The following SLC5A3 variants were observed in gnomAD, a reference collection of about 807,000 sequenced individuals.
SLC5A3 encodes sodium/myo-inositol cotransporter.
A neutral mutation model predicts 43.2 loss-of-function variants in SLC5A3; 10 were observed. The observed-to-expected ratio is 0.23, with a 90% CI of 0.14 to 0.39. SLC5A3 has a LOEUF of 0.39. Among genes scored for constraint, SLC5A3 ranks in the 10% least tolerant of loss-of-function variants. The probability of loss-of-function intolerance (pLI) is 1.00; values close to 1 mark genes in which losing one functional copy is unlikely to be tolerated. For missense variants in SLC5A3, 608 were observed against 893.4 expected (o/e 0.68, Z 4.07); for synonymous variants, 349 against 322.0 (o/e 1.08, Z -0.90).
Position 34,074,682 on chromosome 21 carries a change from TC to T in SLC5A3, c.-337+938del, listed in dbSNP as rs1602895727. ...CGTAGTTTGGTGTTATGTTTTTTTT[TC>T]TCCACCAGGTGTAATAAAACAAAAA... is the stretch of plus-strand genomic sequence containing the variant. On this transcript the variant is annotated intron_variant, in intron 1 of 1. Transcript: ENST00000381151. 2.0e-5 allele frequency among the ~76,000 whole-genome samples: 3 copies of T among 152,318 alleles called. No homozygotes were observed. The East Asian group carries it at 5.8e-4, about 29-fold the overall frequency.
chr21:34,089,055 C>G lies in SLC5A3; in HGVS notation c.-336-5808C>G, dbSNP rs1033411653. On this transcript the variant is annotated intron_variant, in intron 1 of 1. Coordinates refer to ENST00000381151, the MANE Select transcript of SLC5A3 (RefSeq NM_006933.7). The stretch of plus-strand genomic sequence containing the variant: ...TATTTCCTTTTCTTTTTGAGACAGT[C>G]TCGCTCTGTTGCCCAGGCTGGAGTG... Among the ~76,000 whole-genome samples, 5 of 152,100 alleles carry G rather than the reference C, an allele frequency of 3.3e-5. No homozygotes were observed. The East Asian group carries it at 7.7e-4, about 23-fold the overall frequency.
At chr21:34,074,150 C>T (rs907576046) in intron 1 of SLC5A3, among the ~76,000 whole-genome samples, 21 of 149,190 alleles carry the variant, frequency 1.4e-4, no homozygotes, top group Non-Finnish European at 3.0e-4. Context: ...GAAGCTGCCT[C>T]GTCGCCGGCC....
chr21:34,083,657 A>G (rs1211222563), intron 1 of SLC5A3, among the ~76,000 whole-genome samples: 2 of 152,138 alleles, frequency 1.3e-5, no homozygotes, highest in Non-Finnish European at 2.9e-5. Flanking sequence ...CAGTTGTATG[A>G]AGTATAGTAT....
intron 1 of SLC5A3, among the ~76,000 whole-genome samples, chr21:34,087,612 T>C (rs1239881113): frequency 6.6e-6 from 1 of 152,204 alleles, no homozygotes; most frequent in African/African-American, 2.4e-5. Flanking sequence ...GTTACTTTTG[T>C]GCAAAGACGT....
At position 34,104,203 on chromosome 21, in the gene SLC5A3, C is replaced by G; in HGVS notation, c.*6848C>G. The G allele has an allele frequency of 2.0e-6, 2 of 999,972 alleles. No individual in the cohort carries two copies. The highest frequency in any genetic ancestry group is 1.7e-5 in the African/African-American group (1 of 57,324). 61.9% of individuals were successfully genotyped at this position (999,972 alleles called of 1,614,324 possible). On this transcript the variant is annotated 3_prime_UTR_variant, in exon 2 of 2. Transcript: ENST00000381151. ...GAGTGTTCTGAGCATCAGACTAATT[C>G]TGAAGCATATTTGCTAGAGGAGCTA...
rs1569410291 is a variant in SLC5A3, at chr21:34,073,638, T to C, written c.-444T>C. Reference sequence around the variant, plus strand: ...TTCTAGGTCCCCACTGTCCCCGCCGTCCCGCCCCTTCGCGTCCCGGGAACC... The same window carrying C: ...TTCTAGGTCCCCACTGTCCCCGCCGCCCCGCCCCTTCGCGTCCCGGGAACC... On this transcript the variant is annotated 5_prime_UTR_variant, in exon 1 of 2. Transcript: ENST00000381151. 3.5e-6 allele frequency: 5 copies of C among 1,436,950 alleles called. No individual in the cohort carries two copies. Among genetic ancestry groups the C allele is most frequent in the Non-Finnish European group, 4.7e-6 (5 of 1,057,342 alleles). 89.0% of individuals were successfully genotyped at this position (1,436,950 alleles called of 1,614,324 possible). A position where few individuals can be genotyped will look rare whatever the true frequency, so the allele number is the denominator to read the frequency against.
In SLC5A3 at chr21:34,100,487, C is replaced by T. The variant is rs963748437; in HGVS notation, c.*3132C>T. ...GCAATAGCAATGGTGCTGTGTCCTT[C>T]GGCCTAAATTCAATAGATCTCATCT... On this transcript the variant is annotated 3_prime_UTR_variant, in exon 2 of 2. Coordinates refer to ENST00000381151, the MANE Select transcript of SLC5A3 (RefSeq NM_006933.7). The T allele has an allele frequency of 8.2e-5, 82 of 1,000,048 alleles. No homozygotes were observed. The highest frequency in any genetic ancestry group is 8.9e-5 in the Non-Finnish European group (74 of 829,954). The allele number at this position is 1,000,048 out of a possible 1,614,324, so 61.9% of individuals were successfully genotyped here. A position where few individuals can be genotyped will look rare whatever the true frequency, so the allele number is the denominator to read the frequency against.
At position 34,102,923 on chromosome 21, in the gene SLC5A3, C is replaced by T. The variant is rs1979313294; in HGVS notation, c.*5568C>T. 1.0e-6 allele frequency: 1 copy of T among 999,654 alleles called. No individual in the cohort carries two copies. The highest frequency in any genetic ancestry group is 1.2e-6 in the Non-Finnish European group (1 of 829,836). 61.9% of individuals were successfully genotyped at this position (999,654 alleles called of 1,614,324 possible). Reference sequence around the variant, plus strand: ...ACAAGTTGGCAGTAGGTATCCCCAACCTAATTTATCTTGGTAAATTCACCC... The same window carrying T: ...ACAAGTTGGCAGTAGGTATCCCCAATCTAATTTATCTTGGTAAATTCACCC... On this transcript the variant is annotated 3_prime_UTR_variant, in exon 2 of 2. Coordinates refer to ENST00000381151, the MANE Select transcript of SLC5A3 (RefSeq NM_006933.7).
intron 1 of SLC5A3, among the ~76,000 whole-genome samples, chr21:34,074,648 A>T (rs1485366821): frequency 6.6e-6 from 1 of 152,198 alleles, no homozygotes; most frequent in Non-Finnish European, 1.5e-5. Flanking sequence ...TGAATTCGGA[A>T]TTCGGTAACG....
Position 34,104,677 on chromosome 21 carries a change from T to A in SLC5A3, c.*7322T>A. 1 of 1,000,252 alleles carries A rather than the reference T, an allele frequency of 1.0e-6. No individual in the cohort carries two copies. The highest frequency in any genetic ancestry group is 1.2e-6 in the Non-Finnish European group (1 of 829,980). 62.0% of individuals were successfully genotyped at this position (1,000,252 alleles called of 1,614,324 possible). On this transcript the variant is annotated 3_prime_UTR_variant, in exon 2 of 2. Transcript: ENST00000381151. ...ATGAGCCTACCACATTATTTGAGAA[T>A]ATCAAACCTCAGGCCTGGGGGGATG...
At chr21:34,088,519 T>C (rs1978513367) in intron 1 of SLC5A3, among the ~76,000 whole-genome samples, 1 of 152,270 alleles carries the variant, frequency 6.6e-6, no homozygotes, top group Non-Finnish European at 1.5e-5. Flanking sequence ...TGTTAACAGT[T>C]GTTACATATC....
Position 34,095,670 on chromosome 21 carries a change from C to CT in SLC5A3, c.475dup (p.Tyr159LeufsTer45). 6.2e-7 allele frequency: 1 copy of CT among 1,613,834 alleles called. No individual in the cohort carries two copies. Among genetic ancestry groups the CT allele is most frequent in the Non-Finnish European group, 8.5e-7 (1 of 1,179,950 alleles). ...TATCCAGGAGTCTTTGGGTTGGAAT[C>CT]TTTATGTGTCTGTCATCCTGCTCAT... On this transcript the variant is annotated frameshift_variant, in exon 2 of 2. Coordinates refer to ENST00000381151, the MANE Select transcript of SLC5A3 (RefSeq NM_006933.7). LOFTEE classifies it high-confidence loss of function.
rs868166565 is a variant in SLC5A3, at chr21:34,088,886, A to T, written c.-336-5977A>T. Among the ~76,000 whole-genome samples, 213 of 149,064 alleles carry T rather than the reference A, an allele frequency of 1.4e-3. 1 individual carries two copies. Among genetic ancestry groups the T allele is most frequent in the Admixed American group, 3.2e-3 (49 of 15,100 alleles). On this transcript the variant is annotated intron_variant, in intron 1 of 1. Coordinates refer to ENST00000381151, the MANE Select transcript of SLC5A3 (RefSeq NM_006933.7). ...TAGTGTAAGATTTTTTTTTTTTTTT[A>T]AATTTCCATTATTTATAACTCACTT... is the stretch of plus-strand genomic sequence containing the variant.
Position 34,102,624 on chromosome 21 carries a change from A to G in SLC5A3, c.*5269A>G. The G allele has an allele frequency of 1.0e-6, 1 of 1,000,186 alleles. No individual in the cohort carries two copies. Among genetic ancestry groups the G allele is most frequent in the East Asian group, 1.1e-4 (1 of 8,820 alleles). The allele number at this position is 1,000,186 out of a possible 1,614,324, so 62.0% of individuals were successfully genotyped here. ...ACCAATAACTGTACTTTATGTAATG[A>G]CTCTTAAATTTGGTTACCTGGGTTC... On this transcript the variant is annotated 3_prime_UTR_variant, in exon 2 of 2. Transcript: ENST00000381151.
chr21:34,084,997 C>T (rs1989539162), intron 1 of SLC5A3, among the ~76,000 whole-genome samples: 1 of 152,182 alleles, frequency 6.6e-6, no homozygotes, highest in South Asian at 2.1e-4. Context: ...GGCCTTCCTC[C>T]TAACCACAAC....
rs1034299759 is a variant in SLC5A3, at chr21:34,100,863, C to T, written c.*3508C>T. ...TTTCATTCTTTACCACCAAATAAAGCGGCTTATTAGCTACTCAGTTACTTG... is the reference window on the plus strand; with the variant it reads ...TTTCATTCTTTACCACCAAATAAAGTGGCTTATTAGCTACTCAGTTACTTG... On this transcript the variant is annotated 3_prime_UTR_variant, in exon 2 of 2. Transcript: ENST00000381151. 1.8e-5 allele frequency: 18 copies of T among 999,932 alleles called. No homozygotes were observed. The highest frequency in any genetic ancestry group is 1.2e-4 in the African/African-American group (7 of 57,204). 61.9% of individuals were successfully genotyped at this position (999,932 alleles called of 1,614,324 possible).
chr21:34,099,857 T>C lies in SLC5A3; in HGVS notation c.*2502T>C. On this transcript the variant is annotated 3_prime_UTR_variant, in exon 2 of 2. Coordinates refer to ENST00000381151, the MANE Select transcript of SLC5A3 (RefSeq NM_006933.7). The stretch of plus-strand genomic sequence containing the variant: ...TTTAGACTAAAGTCCCTGAAGCTTG[T>C]CTTTCTTATTGCTTCCCAGTAATAG... 2.2e-6 allele frequency: 1 copy of C among 454,942 alleles called. No homozygotes were observed. The allele number at this position is 454,942 out of a possible 1,614,324, so 28.2% of individuals were successfully genotyped here.
chr21:34,083,961 A>C (rs1023154925), intron 1 of SLC5A3, among the ~76,000 whole-genome samples: 1 of 152,186 alleles, frequency 6.6e-6, no homozygotes, highest in Non-Finnish European at 1.5e-5. Flanking sequence ...GGATTTTTCT[A>C]TCCCTCTACT....
In SLC5A3 at chr21:34,098,643, G is replaced by A; in HGVS notation, c.*1288G>A. 1.0e-6 allele frequency: 1 copy of A among 1,000,294 alleles called. No homozygotes were observed. The highest frequency in any genetic ancestry group is 1.2e-6 in the Non-Finnish European group (1 of 830,000). The allele number at this position is 1,000,294 out of a possible 1,614,324, so 62.0% of individuals were successfully genotyped here. On this transcript the variant is annotated 3_prime_UTR_variant, in exon 2 of 2. Coordinates refer to ENST00000381151, the MANE Select transcript of SLC5A3 (RefSeq NM_006933.7). ...TCTGTAGGATGGATAGCATGTTTGA[G>A]AGGTGCCAAACAAGAACTTTTGGGG...
Sources: gnomAD v4.1 joint callset for allele counts (sites outside exome capture counted in the v4.1 genomes callset) on GRCh38, gnomAD v4.1.1 for gene constraint, MANE v1.5 for transcripts, NCBI Gene and HGNC (gene_info 2026-07-23, HGNC 2026-07-21) for gene names.